The following NBEA variants were observed in gnomAD, a reference collection of about 807,000 sequenced individuals.
NBEA encodes lysosomal-trafficking regulator 2.
NBEA carries 44 observed loss-of-function variants against 343.4 expected under a neutral mutation model. That is an observed-to-expected ratio of 0.13 (90% CI 0.10 to 0.16). The LOEUF (loss-of-function observed/expected upper bound fraction) is 0.16, where lower values mean the gene tolerates loss of function less well. Among genes scored for constraint, NBEA ranks in the 10% least tolerant of loss-of-function variants. The probability of loss-of-function intolerance (pLI) is 1.00; values close to 1 mark genes in which losing one functional copy is unlikely to be tolerated. For missense variants in NBEA, 2,555 were observed against 3,631.3 expected, an observed-to-expected ratio of 0.70 and a Z score of 7.62; for synonymous variants, 1,175 against 1,238.7, an observed-to-expected ratio of 0.95 and a Z score of 1.08.
intron 1 of NBEA, among the ~76,000 whole-genome samples, chr13:34,972,752 G>A (rs1266982875): frequency 2.0e-5 from 3 of 151,970 alleles, no homozygotes; most frequent in Admixed American, 1.3e-4. Context: ...TTATGTGATC[G>A]ATTGTAGAGT....
In NBEA at chr13:35,475,435, G is replaced by A. The variant is rs771150876; in HGVS notation, c.6585+2899G>A. The A allele has an allele frequency of 3.1e-6, 5 of 1,613,162 alleles. No individual in the cohort carries two copies. The African/African-American group carries it at 5.4e-5, about 17-fold the overall frequency. ...CATCTGCAGTCTGTTCTCTGCCTCC[G>A]CGAACTGCAGCACCCAGGCGTCGCT... On this transcript the variant is annotated intron_variant, in intron 41 of 58. Coordinates refer to ENST00000379939, the MANE Select transcript of NBEA (RefSeq NM_001385012.1).
intron 38 of NBEA, among the ~76,000 whole-genome samples, chr13:35,383,400 G>A (rs2042100729): frequency 6.6e-6 from 1 of 152,166 alleles, no homozygotes; most frequent in African/African-American, 2.4e-5. Context: ...AGATGGAATA[G>A]GGATTGTTCA....
At chr13:35,412,518 C>T (rs1287692412) in intron 38 of NBEA, among the ~76,000 whole-genome samples, 19 of 152,084 alleles carry the variant, frequency 1.2e-4, no homozygotes, top group Admixed American at 1.2e-3. Flanking sequence ...ATGAAATAGA[C>T]TGAAAGCTGC....
At chr13:35,136,454 T>C (rs1338764422) in intron 17 of NBEA, among the ~76,000 whole-genome samples, 4 of 152,184 alleles carry the variant, frequency 2.6e-5, no homozygotes, top group Non-Finnish European at 5.9e-5. Flanking sequence ...ACAATTTCCT[T>C]TTGGAAATGA....
At chr13:35,604,681 T>C (rs2153050700) in intron 47 of NBEA, among the ~76,000 whole-genome samples, 1 of 152,290 alleles carries the variant, frequency 6.6e-6, no homozygotes, top group Middle Eastern at 3.4e-3. Context: ...ATTAAACTTT[T>C]CTCATCCATC....
intron 10 of NBEA, among the ~76,000 whole-genome samples, chr13:35,081,428 G>A (rs2064389397): frequency 1.3e-5 from 2 of 151,778 alleles, no homozygotes; most frequent in Admixed American, 1.3e-4. Context: ...GATTTACTTA[G>A]CTATCTTGAT....
intron 17 of NBEA, among the ~76,000 whole-genome samples, chr13:35,124,823 G>T (rs1296347855): frequency 1.3e-5 from 2 of 149,794 alleles, no homozygotes; most frequent in African/African-American, 4.9e-5. Flanking sequence ...CACACATATG[G>T]ATATATATAT....
intron 5 of NBEA, among the ~76,000 whole-genome samples, chr13:35,049,816 G>A (rs2063000789): frequency 1.3e-5 from 2 of 151,294 alleles, no homozygotes; most frequent in Admixed American, 1.3e-4. Context: ...TTGATCAACT[G>A]TATCATTTAT....
At chr13:34,982,621 T>C (rs2060395865) in intron 1 of NBEA, among the ~76,000 whole-genome samples, 1 of 152,108 alleles carries the variant, frequency 6.6e-6, no homozygotes, top group South Asian at 2.1e-4. Context: ...TTTAAATCCA[T>C]TGTGGTACAA....
intron 38 of NBEA, among the ~76,000 whole-genome samples, chr13:35,373,428 A>G (rs2041558615): frequency 6.6e-6 from 1 of 152,176 alleles, no homozygotes; most frequent in Non-Finnish European, 1.5e-5. Flanking sequence ...AGTAATGGCC[A>G]GGCACGGTGG....
intron 1 of NBEA, among the ~76,000 whole-genome samples, chr13:35,015,664 C>A (rs975635197): frequency 2.3e-4 from 35 of 151,588 alleles, no homozygotes; most frequent in African/African-American, 8.5e-4. Context: ...AGAAAATTAG[C>A]CTTCAGAAAA....
At chr13:35,060,696 A>T (rs2063435885) in intron 8 of NBEA, among the ~76,000 whole-genome samples, 1 of 141,916 alleles carries the variant, frequency 7.0e-6, no homozygotes. Context: ...ATCAGCAAAA[A>T]TTTTTTATAT....
intron 31 of NBEA, among the ~76,000 whole-genome samples, chr13:35,201,010 A>G (rs78560492): frequency 2.8e-4 from 26 of 91,914 alleles, no homozygotes; most frequent in Non-Finnish European, 5.4e-4. Context: ...TCTTATTACT[A>G]TTTTTTTAAA....
At chr13:35,487,132 T>C (rs2076332617) in intron 41 of NBEA, among the ~76,000 whole-genome samples, 1 of 151,948 alleles carries the variant, frequency 6.6e-6, no homozygotes, top group South Asian at 2.1e-4. Context: ...TGAATTTAAG[T>C]GCAGTCATTT....
intron 52 of NBEA, among the ~76,000 whole-genome samples, chr13:35,650,176 A>G (rs2084448231): frequency 6.6e-6 from 1 of 152,082 alleles, no homozygotes; most frequent in Non-Finnish European, 1.5e-5. Context: ...TTTTTCCTAT[A>G]TCAAACAGAA....
intron 14 of NBEA, among the ~76,000 whole-genome samples, chr13:35,117,901 T>C (rs775930420): frequency 3.3e-5 from 5 of 152,046 alleles, no homozygotes; most frequent in Non-Finnish European, 5.9e-5. Context: ...ATTGATACTG[T>C]ATAGTCTTGC....
chr13:35,083,961 G>C (rs1041551390), intron 10 of NBEA, among the ~76,000 whole-genome samples: 3 of 152,000 alleles, frequency 2.0e-5, no homozygotes, highest in African/African-American at 7.2e-5. Context: ...AACCAAGAAA[G>C]ATCAAAAGAG....
chr13:35,367,936 A>G (rs2041218242), intron 38 of NBEA, among the ~76,000 whole-genome samples: 1 of 151,538 alleles, frequency 6.6e-6, no homozygotes. Flanking sequence ...ATACCTTGTT[A>G]ACTGATTTAG....
intron 13 of NBEA, among the ~76,000 whole-genome samples, chr13:35,114,175 G>C (rs2066379780): frequency 6.6e-6 from 1 of 152,078 alleles, no homozygotes; most frequent in South Asian, 2.1e-4. Context: ...TTAGTGGACA[G>C]ATCTAGGAAA....
Sources: gnomAD v4.1 joint callset for allele counts (sites outside exome capture counted in the v4.1 genomes callset) on GRCh38, gnomAD v4.1.1 for gene constraint, MANE v1.5 for transcripts, NCBI Gene and HGNC (gene_info 2026-07-23, HGNC 2026-07-21) for gene names.